CSMD1: variants seen among roughly 807,000 people sequenced by gnomAD.
CSMD1 encodes the protein CUB and sushi domain-containing protein 1.
CSMD1 carries 213 observed loss-of-function variants against 417.5 expected under a neutral mutation model. The ratio of observed to expected loss-of-function variants is 0.51; its 90% CI spans 0.46 to 0.57. The LOEUF is 0.57. Among genes scored for constraint, CSMD1 ranks in the 20% least tolerant of loss-of-function variants. The pLI, the probability that CSMD1 is intolerant of heterozygous loss-of-function variation, is 0.00. For missense variants in CSMD1, 6,923 were observed against 4,529.7 expected (o/e 1.53, Z -15.17); for synonymous variants, 2,862 against 1,736.8 (o/e 1.65, Z -16.11).
chr8:4,646,737 T>C (rs980345236), intron 1 of CSMD1, among the ~76,000 whole-genome samples: 2 of 152,278 alleles, frequency 1.3e-5, no homozygotes, highest in African/African-American at 4.8e-5. Flanking sequence ...ATTGAAATGT[T>C]AAAAAGTCAT....
intron 3 of CSMD1, among the ~76,000 whole-genome samples, chr8:4,150,316 G>A (rs978456278): frequency 5.3e-5 from 8 of 152,112 alleles, no homozygotes; most frequent in African/African-American, 1.9e-4. Flanking sequence ...TGTTAGGAAG[G>A]ACATCTCTAA....
chr8:3,746,668 T>C (rs919592952), intron 6 of CSMD1, among the ~76,000 whole-genome samples: 2 of 152,224 alleles, frequency 1.3e-5, no homozygotes, highest in Non-Finnish European at 2.9e-5. Context: ...GTTTCAACAT[T>C]AGTAAGAAAT....
At chr8:3,080,397 A>G (rs940199458) in intron 49 of CSMD1, among the ~76,000 whole-genome samples, 36 of 152,242 alleles carry the variant, frequency 2.4e-4, no homozygotes, top group Non-Finnish European at 4.0e-4. Context: ...CAAGGTCGAT[A>G]AGAACCAACA....
intron 3 of CSMD1, among the ~76,000 whole-genome samples, chr8:4,272,112 G>GGTGT (rs377455797): frequency 4.0e-5 from 6 of 151,534 alleles, no homozygotes; most frequent in Admixed American, 1.3e-4. Context: ...ACCTGTCAGG[G>GGTGT]GTGTGTGTGT....
At chr8:4,501,096 G>T (rs1802238027) in intron 2 of CSMD1, among the ~76,000 whole-genome samples, 2 of 151,850 alleles carry the variant, frequency 1.3e-5, no homozygotes, top group African/African-American at 4.8e-5. Flanking sequence ...AAATAAAAAG[G>T]GACAACCATG....
chr8:4,189,148 T>C (rs1172806854), intron 3 of CSMD1, among the ~76,000 whole-genome samples: 2 of 152,248 alleles, frequency 1.3e-5, no homozygotes, highest in Non-Finnish European at 2.9e-5. Flanking sequence ...TTGTGAGTCA[T>C]CTCTGAGTTC....
intron 5 of CSMD1, among the ~76,000 whole-genome samples, chr8:3,756,635 A>G (rs1224747128): frequency 6.6e-6 from 1 of 152,172 alleles, no homozygotes; most frequent in Non-Finnish European, 1.5e-5. Context: ...TCATATGGTG[A>G]TAGAAGACTA....
At chr8:3,197,364 G>C (rs998047269) in intron 33 of CSMD1, among the ~76,000 whole-genome samples, 1 of 152,080 alleles carries the variant, frequency 6.6e-6, no homozygotes. Context: ...CATAAAGTCT[G>C]TGTGCAATTT....
chr8:3,373,679 G>C (rs1401063889), intron 18 of CSMD1: 2 of 152,154 alleles, frequency 1.3e-5, no homozygotes, highest in African/African-American at 4.8e-5. Context: ...CTCATAATTT[G>C]AATTATGTTA....
At position 4,198,912 on chromosome 8, in the gene CSMD1, C is replaced by A. The variant is rs186666160; in HGVS notation, c.416-166813G>T. Among the ~76,000 whole-genome samples, 251 of 151,760 alleles carry A rather than the reference C, an allele frequency of 1.7e-3. 2 individuals carry two copies. The highest frequency in any genetic ancestry group is 6.8e-3 in the Middle Eastern group (2 of 294). ...ATTAAAACTATTTTTACTTTCCTTC[C>A]ACGCAGGTTTTTTTTGTATTTCCGT... On this transcript the variant is annotated intron_variant, in intron 3 of 69. Transcript: ENST00000635120.
chr8:4,466,644 T>TTA (rs1160651157), intron 2 of CSMD1, among the ~76,000 whole-genome samples: 1 of 152,190 alleles, frequency 6.6e-6, no homozygotes, highest in Non-Finnish European at 1.5e-5. Flanking sequence ...TTTAAATGTT[T>TTA]AATTTTTCAG....
chr8:3,033,751 GAACTTAAAGTAAAATAAAAATAAAATA>G (rs1199474774), intron 50 of CSMD1, among the ~76,000 whole-genome samples: 19 of 152,002 alleles, frequency 1.2e-4, no homozygotes, highest in Non-Finnish European at 2.2e-4. Context: ...ATGATTCCCA[GAACTTAAAGTAAAATAAAAATAAAATA>G]AACTTAAAGT....
At chr8:4,621,347 T>C (rs1313792274) in intron 2 of CSMD1, among the ~76,000 whole-genome samples, 3 of 152,128 alleles carry the variant, frequency 2.0e-5, no homozygotes, top group East Asian at 1.9e-4. Flanking sequence ...TATGATGTCA[T>C]GTTGGCACGA....
chr8:3,341,780 T>G (rs188563341), intron 23 of CSMD1, among the ~76,000 whole-genome samples: 4 of 152,300 alleles, frequency 2.6e-5, no homozygotes, highest in African/African-American at 7.2e-5. Context: ...AAATTTAATT[T>G]ACCCACAGGC....
In CSMD1 at chr8:3,708,438, C is replaced by T. The variant is rs770518582; in HGVS notation, c.985G>A (p.Asp329Asn). The change falls in exon 7 of 70, where the codon GAT becomes AAT. Residue 329 changes from aspartate to asparagine, a missense_variant. Asp to Asn is a conservative substitution (Grantham distance 23). Transcript: ENST00000635120. Reference sequence around the variant, plus strand: ...CAGACAGAGTTTTTATGGCTTCCATCCTTGCTGGGCAGCATCTTGACTCCT... The same window carrying T: ...CAGACAGAGTTTTTATGGCTTCCATTCTTGCTGGGCAGCATCTTGACTCCT... Reference protein sequence around the residue: ...SRGVKMLPSKDGSHKNSVLSQ... With the variant: ...SRGVKMLPSKNGSHKNSVLSQ... 65 of 1,613,934 alleles carry T rather than the reference C, an allele frequency of 4.0e-5. 3 individuals are homozygous for T. In the South Asian group the frequency reaches 6.5e-4, roughly 16 times the overall value.
intron 62 of CSMD1, among the ~76,000 whole-genome samples, chr8:2,958,306 C>A (rs576474362): frequency 1.1e-4 from 16 of 152,300 alleles, no homozygotes; most frequent in African/African-American, 3.6e-4. Context: ...GTCTTCCTCA[C>A]CAGGTCTTCA....
chr8:3,697,838 G>T (rs976160476), intron 7 of CSMD1, among the ~76,000 whole-genome samples: 75 of 152,102 alleles, frequency 4.9e-4, no homozygotes, highest in African/African-American at 1.7e-3. Context: ...ATCATCTCCA[G>T]GTTGTTTCTC....
intron 5 of CSMD1, among the ~76,000 whole-genome samples, chr8:3,977,010 G>A (rs1040587070): frequency 1.3e-5 from 2 of 152,156 alleles, no homozygotes; most frequent in Non-Finnish European, 2.9e-5. Flanking sequence ...GGGGCGTGAA[G>A]GTGCCTGCAG....
chr8:3,496,315 G>C (rs951108820), intron 10 of CSMD1, among the ~76,000 whole-genome samples: 9 of 152,106 alleles, frequency 5.9e-5, no homozygotes, highest in Admixed American at 5.2e-4. Context: ...GTTTTGGTTG[G>C]TTTGCTGTTC....
Sources: gnomAD v4.1 joint callset for allele counts (sites outside exome capture counted in the v4.1 genomes callset) on GRCh38, gnomAD v4.1.1 for gene constraint, MANE v1.5 for transcripts, NCBI Gene and HGNC (gene_info 2026-07-23, HGNC 2026-07-21) for gene names.